The following RGS7 variants were observed in gnomAD, a reference collection of about 807,000 sequenced individuals.
RGS7 encodes the protein regulator of G-protein signaling 7.
In RGS7, 27 loss-of-function variants were observed where a neutral mutation model predicts 81.1. That is an observed-to-expected ratio of 0.33 (90% CI 0.25 to 0.46). The LOEUF (loss-of-function observed/expected upper bound fraction) is 0.46, where lower values mean the gene tolerates loss of function less well. Ranked by LOEUF, RGS7 falls within the 20% of genes least tolerant of loss-of-function variation. The probability of loss-of-function intolerance (pLI) is 1.00; values close to 1 mark genes in which losing one functional copy is unlikely to be tolerated. For synonymous variants in RGS7, 208 were observed against 207.7 expected, an observed-to-expected ratio of 1.00 and a Z score of -0.01; for missense variants, 396 against 607.4, an observed-to-expected ratio of 0.65 and a Z score of 3.66.
chr1:241,110,302 T>C (rs1572730953), intron 2 of RGS7, among the ~76,000 whole-genome samples: 3 of 152,198 alleles, frequency 2.0e-5, no homozygotes, highest in East Asian at 1.9e-4. Flanking sequence ...GAGACCACAG[T>C]TCCTGACAGA....
chr1:241,130,827 A>G (rs184272862), intron 2 of RGS7, among the ~76,000 whole-genome samples: 3 of 151,972 alleles, frequency 2.0e-5, no homozygotes, highest in Admixed American at 2.0e-4. Flanking sequence ...CCTTTCAGAT[A>G]TAATCCAAAG....
chr1:241,030,373 T>TATATATACAC lies in RGS7; in HGVS notation c.176-47245_176-47244insGTGTATATAT, dbSNP rs374223475. ...CCAGAACTTATAGCATATATATATA[T>TATATATACAC]ACATACACACATACATACACACACA... On this transcript the variant is annotated intron_variant, in intron 3 of 18. Coordinates refer to ENST00000440928, the MANE Select transcript of RGS7 (RefSeq NM_001364886.1). 8.4e-4 allele frequency among the ~76,000 whole-genome samples: 113 copies of TATATATACAC among 135,238 alleles called. 4 individuals are homozygous for TATATATACAC. The highest frequency in any genetic ancestry group is 3.0e-3 in the African/African-American group (105 of 35,336). The allele number at this position is 135,238 out of a possible 152,430, so 88.7% of individuals were successfully genotyped here.
intron 2 of RGS7, among the ~76,000 whole-genome samples, chr1:241,281,508 C>G (rs1196146724): frequency 1.3e-5 from 2 of 152,218 alleles, no homozygotes; most frequent in East Asian, 3.9e-4. Context: ...ACCATGGGAC[C>G]CACATGAAAT....
chr1:241,297,910 T>C (rs2079519848), intron 2 of RGS7, among the ~76,000 whole-genome samples: 1 of 152,196 alleles, frequency 6.6e-6, no homozygotes, highest in African/African-American at 2.4e-5. Context: ...AGGCACCAAA[T>C]GACCTGGGCA....
At chr1:241,028,048 A>G (rs1246517894) in intron 3 of RGS7, among the ~76,000 whole-genome samples, 1 of 152,212 alleles carries the variant, frequency 6.6e-6, no homozygotes, top group Non-Finnish European at 1.5e-5. Context: ...CTCTATGAGC[A>G]TGATTACTGG....
intron 2 of RGS7, among the ~76,000 whole-genome samples, chr1:241,280,021 A>G (rs541821522): frequency 2.6e-4 from 40 of 152,186 alleles, no homozygotes; most frequent in Non-Finnish European, 4.1e-4. Context: ...TTGTGCACCA[A>G]GAATTTACAC....
intron 14 of RGS7, among the ~76,000 whole-genome samples, chr1:240,810,242 T>C (rs538106390): frequency 2.6e-5 from 4 of 152,260 alleles, no homozygotes; most frequent in South Asian, 4.1e-4. Flanking sequence ...TATCTACCAA[T>C]AGACTGTAAT....
chr1:241,034,190 G>A (rs2060220613), intron 3 of RGS7, among the ~76,000 whole-genome samples: 1 of 152,182 alleles, frequency 6.6e-6, no homozygotes, highest in African/African-American at 2.4e-5. Flanking sequence ...AGAGATTTGT[G>A]CCATGTCATC....
chr1:241,318,440 GA>G (rs1263752482), intron 2 of RGS7, among the ~76,000 whole-genome samples: 3 of 151,692 alleles, frequency 2.0e-5, no homozygotes, highest in Non-Finnish European at 4.4e-5. Flanking sequence ...CTTCTATCCT[GA>G]GAAATTTCTT....
intron 2 of RGS7, among the ~76,000 whole-genome samples, chr1:241,307,806 A>G (rs908372356): frequency 6.6e-6 from 1 of 151,914 alleles, no homozygotes; most frequent in Admixed American, 6.5e-5. Context: ...GAATGAATGA[A>G]TGAATGAATG....
intron 2 of RGS7, among the ~76,000 whole-genome samples, chr1:241,220,994 GAAGAGAGAGAGA>G (rs1220840479): frequency 5.6e-4 from 52 of 93,570 alleles, no homozygotes; most frequent in Middle Eastern, 6.5e-3. Context: ...AGGAAGGAAG[GAAGAGAGAGAGA>G]AAGGAAGGAA....
At chr1:240,876,105 AG>A (rs1233873915) in intron 6 of RGS7, among the ~76,000 whole-genome samples, 1 of 152,154 alleles carries the variant, frequency 6.6e-6, no homozygotes, top group Non-Finnish European at 1.5e-5. Flanking sequence ...CCTTAATAGA[AG>A]GCTGCAGAAC....
intron 6 of RGS7, among the ~76,000 whole-genome samples, chr1:240,891,875 T>C (rs978945638): frequency 1.6e-4 from 25 of 152,120 alleles, no homozygotes; most frequent in African/African-American, 5.8e-4. Context: ...CACATTTAAT[T>C]TGTTGCTTTC....
At position 240,846,241 on chromosome 1, in the gene RGS7, T is replaced by G. The variant is rs188765204; in HGVS notation, c.610-19069A>C. Reference sequence around the variant, plus strand: ...TAAAAATCATTCATAAAAAGTACTTTCATGTTCATCTCAAAAGTTTTTTTC... The same window carrying G: ...TAAAAATCATTCATAAAAAGTACTTGCATGTTCATCTCAAAAGTTTTTTTC... On this transcript the variant is annotated intron_variant, in intron 9 of 18. Transcript: ENST00000440928. 2.6e-3 allele frequency among the ~76,000 whole-genome samples: 389 copies of G among 152,298 alleles called. 1 individual carries two copies. The highest frequency in any genetic ancestry group is 4.5e-3 in the Non-Finnish European group (303 of 68,032).
chr1:241,133,659 T>C (rs2067282965), intron 2 of RGS7, among the ~76,000 whole-genome samples: 2 of 152,218 alleles, frequency 1.3e-5, no homozygotes, highest in African/African-American at 4.8e-5. Flanking sequence ...GTAATTTCCC[T>C]TAGGGTTTCT....
chr1:240,847,793 C>T (rs752636542), intron 9 of RGS7, among the ~76,000 whole-genome samples: 2 of 152,102 alleles, frequency 1.3e-5, no homozygotes, highest in Non-Finnish European at 1.5e-5. Flanking sequence ...CCAATTTCAC[C>T]TTTGAATATG....
intron 2 of RGS7, among the ~76,000 whole-genome samples, chr1:241,342,171 G>T (rs770720497): frequency 6.6e-6 from 1 of 152,032 alleles, no homozygotes; most frequent in Non-Finnish European, 1.5e-5. Flanking sequence ...ACCACACCTG[G>T]TCTCTGGTAC....
At chr1:240,938,571 A>ATGATGCCCCT (rs928863019) in intron 4 of RGS7, among the ~76,000 whole-genome samples, 2 of 152,220 alleles carry the variant, frequency 1.3e-5, no homozygotes, top group Non-Finnish European at 2.9e-5. Context: ...TTGGGGTACT[A>ATGATGCCCCT]TGATGCCCCT....
intron 4 of RGS7, among the ~76,000 whole-genome samples, chr1:240,937,115 C>A (rs897157020): frequency 6.6e-6 from 1 of 152,128 alleles, no homozygotes; most frequent in African/African-American, 2.4e-5. Flanking sequence ...CCTAATTAGC[C>A]ATATTCAATT....
Sources: allele counts gnomAD v4.1 joint callset (sites outside exome capture counted in the v4.1 genomes callset), GRCh38; gene constraint gnomAD v4.1.1; transcripts MANE v1.5; gene names NCBI Gene and HGNC (gene_info 2026-07-23, HGNC 2026-07-21).